Variants in ATG7 observed in about 807,000 individuals in gnomAD.
ATG7 encodes autophagy related 7, also known as ubiquitin-like modifier-activating enzyme ATG7.
ATG7 carries 70 observed loss-of-function variants against 82.4 expected under a neutral mutation model. That is an observed-to-expected ratio of 0.85 (90% CI 0.70 to 1.04). The LOEUF (loss-of-function observed/expected upper bound fraction) is 1.04, where lower values mean the gene tolerates loss of function less well. Among genes scored for constraint, ATG7 ranks in the 50% least tolerant of loss-of-function variants. The pLI is 0.00. For missense variants in ATG7, 792 were observed against 864.3 expected, an observed-to-expected ratio of 0.92 and a Z score of 1.05; for synonymous variants, 287 against 313.0, an observed-to-expected ratio of 0.92 and a Z score of 0.88.
At chr3:11,362,076 T>A (rs1325804036) in intron 16 of ATG7, among the ~76,000 whole-genome samples, 1 of 152,232 alleles carries the variant, frequency 6.6e-6, no homozygotes, top group Admixed American at 6.5e-5. Flanking sequence ...AATATATAGC[T>A]GGTCTTGTTA....
At chr3:11,299,181 G>A (rs1946404536) in intron 4 of ATG7, 181 bp from the exon 5 acceptor site, 4 of 620,850 alleles carry the variant, frequency 6.4e-6, no homozygotes, top group Non-Finnish European at 1.1e-5. Context: ...ATTCACAAGA[G>A]CTCTGTCACA....
At chr3:11,299,978 G>A (rs1214442251) in intron 5 of ATG7, among the ~76,000 whole-genome samples, 2 of 151,276 alleles carry the variant, frequency 1.3e-5, no homozygotes, top group Non-Finnish European at 2.9e-5. Context: ...AGGCTGGAGT[G>A]TAGTAGTACA....
chr3:11,480,967 T>G (rs1242051258), intron 20 of ATG7, among the ~76,000 whole-genome samples: 1 of 152,242 alleles, frequency 6.6e-6, no homozygotes, highest in Admixed American at 6.5e-5. Flanking sequence ...GCCAGGAGTG[T>G]AAACAAGTCA....
chr3:11,512,967 T>C (rs1014122168), intron 20 of ATG7, among the ~76,000 whole-genome samples: 8 of 151,924 alleles, frequency 5.3e-5, no homozygotes, highest in African/African-American at 1.9e-4. Context: ...AGATACAGAG[T>C]GTGGACACAA....
chr3:11,533,136 C>T (rs2092723864), intron 20 of ATG7, among the ~76,000 whole-genome samples: 1 of 152,192 alleles, frequency 6.6e-6, no homozygotes, highest in Non-Finnish European at 1.5e-5. Flanking sequence ...GCTCTTCACC[C>T]CGGGTCTGAA....
Position 11,342,263 on chromosome 3 carries a change from T to C in ATG7, c.1109T>C (p.Val370Ala). The change falls in exon 13 of 21, where the codon GTA becomes GCA. Residue 370 changes from valine (V) to alanine (A), a missense_variant. By Grantham distance (64) the Val-to-Ala change is moderately conservative. Coordinates refer to ENST00000693202, the MANE Select transcript of ATG7 (RefSeq NM_001349232.2). Reference sequence around the variant, plus strand: ...GGAGCCGGCACCTTGGGTTGCAATGTAGCTAGGACGTTGATGGTAAGTCGG... The same window carrying C: ...GGAGCCGGCACCTTGGGTTGCAATGCAGCTAGGACGTTGATGGTAAGTCGG... Reference protein sequence around the residue: ...LLGAGTLGCNVARTLMGWGVR... With the variant: ...LLGAGTLGCNAARTLMGWGVR... 3 of 1,613,098 alleles carry C rather than the reference T, an allele frequency of 1.9e-6. No homozygotes were observed. The highest frequency in any genetic ancestry group is 2.5e-6 in the Non-Finnish European group (3 of 1,179,838).
At chr3:11,510,132 G>T (rs1244142977) in intron 20 of ATG7, 2 of 432,516 alleles carry the variant, frequency 4.6e-6, no homozygotes, top group Non-Finnish European at 9.3e-6. Context: ...TAGAAGGAAG[G>T]TACGTGCCTG....
At chr3:11,343,096 T>C (rs1352196501) in intron 13 of ATG7, among the ~76,000 whole-genome samples, 1 of 152,072 alleles carries the variant, frequency 6.6e-6, no homozygotes, top group Non-Finnish European at 1.5e-5. Context: ...ACTTGGCTAA[T>C]TTTTGTATTT....
rs187471777 is a variant in ATG7, at chr3:11,500,780, G to A, written c.2080-54031G>A. Among the ~76,000 whole-genome samples, 1,288 of 152,228 alleles carry A rather than the reference G, an allele frequency of 8.5e-3. 10 individuals are homozygous for A. The highest frequency in any genetic ancestry group is 0.034 in the Middle Eastern group (10 of 294). The stretch of plus-strand genomic sequence containing the variant: ...AGAGTAGCTGGGACTACAGGCGTGC[G>A]CCACCACACCCAGCTAATTTTTGTA... On this transcript the variant is annotated intron_variant, in intron 20 of 20. Transcript: ENST00000693202.
intron 19 of ATG7, among the ~76,000 whole-genome samples, chr3:11,419,566 A>AC (rs1412055951): frequency 6.6e-6 from 1 of 152,132 alleles, no homozygotes; most frequent in African/African-American, 2.4e-5. Flanking sequence ...AAACAAACAA[A>AC]AAAAAACACA....
intron 12 of ATG7, among the ~76,000 whole-genome samples, chr3:11,341,891 CTT>C (rs2152775843): frequency 6.6e-6 from 1 of 152,262 alleles, no homozygotes; most frequent in African/African-American, 2.4e-5. Context: ...ATGCTCTTCC[CTT>C]TTCACCTTGG....
intron 20 of ATG7, among the ~76,000 whole-genome samples, chr3:11,503,054 C>T (rs970652211): frequency 2.0e-5 from 3 of 152,196 alleles, no homozygotes; most frequent in Non-Finnish European, 4.4e-5. Context: ...CTTCTCCCCA[C>T]ACTAGGATCC....
chr3:11,384,771 G>GGT (rs1185647918), intron 19 of ATG7, among the ~76,000 whole-genome samples: 1 of 152,102 alleles, frequency 6.6e-6, no homozygotes, highest in African/African-American at 2.4e-5. Context: ...GACCAGCCTG[G>GGT]GTAACATGGT....
intron 9 of ATG7, among the ~76,000 whole-genome samples, chr3:11,326,294 T>G (rs1048160456): frequency 2.6e-4 from 40 of 151,536 alleles, no homozygotes; most frequent in African/African-American, 6.3e-4. Flanking sequence ...CTGTTTTTTT[T>G]TTGTTGTTGT....
In ATG7 at chr3:11,554,869, C is replaced by A. The variant is rs750025279; in HGVS notation, c.*26C>A. 1 of 1,610,882 alleles carries A rather than the reference C, an allele frequency of 6.2e-7. No homozygotes were observed. Among genetic ancestry groups the A allele is most frequent in the African/African-American group, 1.3e-5 (1 of 75,008 alleles). On this transcript the variant is annotated 3_prime_UTR_variant, in exon 21 of 21. Transcript: ENST00000693202. ...GATGGCCCCGCTGTGGGGCTGACTT[C>A]TCCCCGGCCGCCTGCTGAGGAGCTC...
chr3:11,521,569 TTAAGACGGAGTCTCGCTCTGTC>T (rs1296320286), intron 20 of ATG7, among the ~76,000 whole-genome samples: 1 of 150,858 alleles, frequency 6.6e-6, no homozygotes, highest in African/African-American at 2.4e-5. Flanking sequence ...TTTTTTTTTT[TTAAGACGGAGTCTCGCTCTGTC>T]ACCCAGGCTG....
intron 14 of ATG7, among the ~76,000 whole-genome samples, chr3:11,350,096 C>A (rs2075426981): frequency 6.6e-6 from 1 of 152,176 alleles, no homozygotes; most frequent in Non-Finnish European, 1.5e-5. Context: ...CCCACTTTCT[C>A]AAAGTTTCTC....
intron 20 of ATG7, among the ~76,000 whole-genome samples, chr3:11,539,377 C>G (rs2070633171): frequency 6.6e-6 from 1 of 152,242 alleles, no homozygotes; most frequent in South Asian, 2.1e-4. Context: ...AGACAGAGCT[C>G]TTAACTCCAC....
At chr3:11,335,455 G>A (rs1026447862) in intron 11 of ATG7, among the ~76,000 whole-genome samples, 1 of 152,272 alleles carries the variant, frequency 6.6e-6, no homozygotes, top group South Asian at 2.1e-4. Flanking sequence ...CACACTCAAA[G>A]CTGTCCTGGG....
Sources: allele counts gnomAD v4.1 joint callset (sites outside exome capture counted in the v4.1 genomes callset), GRCh38; gene constraint gnomAD v4.1.1; transcripts MANE v1.5; gene names NCBI Gene and HGNC (gene_info 2026-07-23, HGNC 2026-07-21).